Variants in DSCAM observed in about 807,000 individuals in gnomAD.
DSCAM encodes cell adhesion molecule DSCAM.
DSCAM carries 47 observed loss-of-function variants against 217.7 expected under a neutral mutation model. The ratio of observed to expected loss-of-function variants is 0.22; its 90% CI spans 0.17 to 0.28. The LOEUF is 0.28. Among genes scored for constraint, DSCAM ranks in the 10% least tolerant of loss-of-function variants. DSCAM has a pLI of 1.00. For synonymous variants in DSCAM, 1,056 were observed against 1,015.3 expected, an observed-to-expected ratio of 1.04 and a Z score of -0.76; for missense variants, 2,080 against 2,618.3, an observed-to-expected ratio of 0.79 and a Z score of 4.49.
chr21:40,760,821 C>A (rs1000863259), intron 1 of DSCAM, among the ~76,000 whole-genome samples: 10 of 152,212 alleles, frequency 6.6e-5, no homozygotes, highest in African/African-American at 2.4e-4. Context: ...CCCCTTTCTG[C>A]ACCTGGCACC....
At chr21:40,026,313 AGGTGT>A (rs761719603) in intron 32 of DSCAM, among the ~76,000 whole-genome samples, 48 of 140,484 alleles carry the variant, frequency 3.4e-4, no homozygotes, top group Non-Finnish European at 6.7e-4. Flanking sequence ...ATTTTGGAAT[AGGTGT>A]GGTGTGGTGC....
chr21:40,159,545 T>C (rs2837466), intron 16 of DSCAM, among the ~76,000 whole-genome samples: 22,966 of 152,220 alleles, frequency 0.15, 2,231 homozygotes, highest in East Asian at 0.32. Flanking sequence ...TTCTGAATAC[T>C]TTTATTAAAT....
rs572416781 is a variant in DSCAM, at chr21:40,672,307, A to G, written c.508+20503T>C. 3.1e-4 allele frequency among the ~76,000 whole-genome samples: 47 copies of G among 152,280 alleles called. 2 individuals are homozygous for G. In the South Asian group the frequency reaches 9.8e-3, roughly 32 times the overall value. ...GCTTAAGTAAATTTAGCAAAATTAT[A>G]GTGCCTAATAATTACTGTGAGATGT... On this transcript the variant is annotated intron_variant, in intron 3 of 32. Coordinates refer to ENST00000400454, the MANE Select transcript of DSCAM (RefSeq NM_001389.5).
intron 3 of DSCAM, among the ~76,000 whole-genome samples, chr21:40,633,056 T>C (rs1385908872): frequency 3.3e-5 from 5 of 152,230 alleles, no homozygotes; most frequent in African/African-American, 1.2e-4. Flanking sequence ...CTACATCCGT[T>C]GTTCCATATT....
chr21:40,401,449 C>T (rs556960587), intron 3 of DSCAM, among the ~76,000 whole-genome samples: 55 of 152,098 alleles, frequency 3.6e-4, no homozygotes, highest in African/African-American at 1.3e-3. Context: ...ACTATTTACA[C>T]AAAACAAGTA....
chr21:40,142,548 G>A lies in DSCAM; in HGVS notation c.3406+10C>T. 6.2e-7 allele frequency: 1 copy of A among 1,613,818 alleles called. No individual in the cohort carries two copies. Among genetic ancestry groups the A allele is most frequent in the Non-Finnish European group, 8.5e-7 (1 of 1,179,886 alleles). On this transcript the variant is annotated intron_variant, in intron 18 of 32. Transcript: ENST00000400454. Reference sequence around the variant, plus strand: ...GAGGCAAACCCAAAGTCCTAGTTTAGTCCTCTTACCTCCGTCCATGAGGTT... The same window carrying A: ...GAGGCAAACCCAAAGTCCTAGTTTAATCCTCTTACCTCCGTCCATGAGGTT...
chr21:40,525,208 C>A (rs538132792), intron 3 of DSCAM, among the ~76,000 whole-genome samples: 2 of 152,006 alleles, frequency 1.3e-5, no homozygotes, highest in Non-Finnish European at 2.9e-5. Flanking sequence ...TTATTTGTGA[C>A]GTATTTAATT....
chr21:40,331,225 T>G (rs2074374948), intron 8 of DSCAM, among the ~76,000 whole-genome samples: 1 of 152,098 alleles, frequency 6.6e-6, no homozygotes, highest in African/African-American at 2.4e-5. Flanking sequence ...TGGAATTCAG[T>G]GGAAGCTGAT....
chr21:40,661,629 G>C (rs959897278), intron 3 of DSCAM, among the ~76,000 whole-genome samples: 25 of 152,146 alleles, frequency 1.6e-4, no homozygotes, highest in Non-Finnish European at 2.9e-5. Flanking sequence ...GTGTTGATTT[G>C]CTTCTTTTAG....
intron 3 of DSCAM, among the ~76,000 whole-genome samples, chr21:40,400,743 T>C (rs577611426): frequency 2.6e-4 from 40 of 152,326 alleles, no homozygotes; most frequent in African/African-American, 9.4e-4. Flanking sequence ...TAAAGGTTAG[T>C]TGGAATGGTA....
intron 15 of DSCAM, among the ~76,000 whole-genome samples, chr21:40,177,668 T>C (rs1190620580): frequency 1.3e-5 from 2 of 152,242 alleles, no homozygotes; most frequent in Non-Finnish European, 2.9e-5. Flanking sequence ...ATTGTAGTGG[T>C]GTTTATACTA....
chr21:40,175,811 A>ACACG lies in DSCAM; in HGVS notation c.2947+3115_2947+3116insCGTG, dbSNP rs1555886112. Among the ~76,000 whole-genome samples the ACACG allele has an allele frequency of 2.8e-3, 362 of 127,550 alleles. 3 individuals carry two copies. Among genetic ancestry groups the ACACG allele is most frequent in the Middle Eastern group, 4.0e-3 (1 of 252 alleles). The allele number at this position is 127,550 out of a possible 152,430, so 83.7% of individuals were successfully genotyped here. A position where few individuals can be genotyped will look rare whatever the true frequency, so the allele number is the denominator to read the frequency against. On this transcript the variant is annotated intron_variant, in intron 15 of 32. Transcript: ENST00000400454. ...CACACACACACACACACACACACGC[A>ACACG]CACACACACACACGCACACACACAT...
chr21:40,013,184 C>G lies in DSCAM; in HGVS notation c.5889G>C (p.Trp1963Cys), dbSNP rs760684889. Reference sequence around the variant, plus strand: ...GTAATGTGGCCACGGCCCCCGGCTGCCACGACTGTCCTTCTCTCGTGGAGG... The same window carrying G: ...GTAATGTGGCCACGGCCCCCGGCTGGCACGACTGTCCTTCTCTCGTGGAGG... ...SASSTREGQSWQPGAVATLPQ... is the reference protein window; with the variant it reads ...SASSTREGQSCQPGAVATLPQ... The change falls in exon 33 of 33, where the codon TGG becomes TGC. Residue 1963 changes from tryptophan (W) to cysteine (C), a missense_variant. Physicochemically the swap from Trp to Cys is radical, Grantham distance 215. Coordinates refer to ENST00000400454, the MANE Select transcript of DSCAM (RefSeq NM_001389.5). 4 of 1,613,642 alleles carry G rather than the reference C, an allele frequency of 2.5e-6. No individual in the cohort carries two copies. The Admixed American group carries it at 6.7e-5, about 27-fold the overall frequency.
chr21:40,375,662 T>C (rs552419033), intron 3 of DSCAM, among the ~76,000 whole-genome samples: 13 of 152,344 alleles, frequency 8.5e-5, no homozygotes, highest in African/African-American at 3.1e-4. Context: ...TCATCTAGAA[T>C]AGCAAGAACT....
At chr21:40,519,996 A>C (rs1196205395) in intron 3 of DSCAM, among the ~76,000 whole-genome samples, 1 of 152,128 alleles carries the variant, frequency 6.6e-6, no homozygotes, top group African/African-American at 2.4e-5. Flanking sequence ...TCTAGACTCT[A>C]AAATTTGTTG....
intron 3 of DSCAM, among the ~76,000 whole-genome samples, chr21:40,582,825 C>G (rs1382805492): frequency 1.3e-5 from 2 of 152,126 alleles, no homozygotes; most frequent in Non-Finnish European, 2.9e-5. Flanking sequence ...ACTAAGTGAA[C>G]AGAACCCATC....
chr21:40,070,943 A>G (rs1785141886), intron 27 of DSCAM, among the ~76,000 whole-genome samples: 1 of 152,226 alleles, frequency 6.6e-6, no homozygotes, highest in African/African-American at 2.4e-5. Flanking sequence ...GAGAAGCAAG[A>G]CACTCTGCCA....
intron 11 of DSCAM, among the ~76,000 whole-genome samples, chr21:40,260,753 G>A (rs1413069919): frequency 6.6e-6 from 1 of 152,226 alleles, no homozygotes; most frequent in Admixed American, 6.5e-5. Context: ...GGCCCTTGAT[G>A]AAAGCACTTA....
intron 3 of DSCAM, among the ~76,000 whole-genome samples, chr21:40,441,218 G>A (rs894209085): frequency 9.9e-5 from 15 of 152,118 alleles, no homozygotes; most frequent in South Asian, 6.2e-4. Flanking sequence ...CTTGAGAGCC[G>A]ACCAAGGAAG....
Sources: gnomAD v4.1 joint callset for allele counts (sites outside exome capture counted in the v4.1 genomes callset) on GRCh38, gnomAD v4.1.1 for gene constraint, MANE v1.5 for transcripts, NCBI Gene and HGNC (gene_info 2026-07-23, HGNC 2026-07-21) for gene names.